The following SIPA1L1 variants were observed in gnomAD, a reference collection of about 807,000 sequenced individuals.
The protein encoded by SIPA1L1 is signal induced proliferation associated 1 like 1, also known as signal-induced proliferation-associated 1-like protein 1.
A neutral mutation model predicts 162.7 loss-of-function variants in SIPA1L1; 26 were observed. The ratio of observed to expected loss-of-function variants is 0.16; its 90% confidence interval spans 0.12 to 0.22. The LOEUF is 0.22. Ranked by LOEUF, SIPA1L1 falls within the 10% of genes least tolerant of loss-of-function variation. SIPA1L1 has a pLI of 1.00. For missense variants in SIPA1L1, 1,874 were observed against 2,241.0 expected (o/e 0.84, Z 3.31); for synonymous variants, 829 against 837.4 (o/e 0.99, Z 0.17).
chr14:71,397,680 T>G (rs1238159878), intron 2 of SIPA1L1, among the ~76,000 whole-genome samples: 1 of 152,224 alleles, frequency 6.6e-6, no homozygotes, highest in African/African-American at 2.4e-5. Flanking sequence ...TGCCAATGCC[T>G]CAGTCTCTCT....
chr14:71,483,947 G>A (rs1255636106), intron 2 of SIPA1L1, among the ~76,000 whole-genome samples: 1 of 152,122 alleles, frequency 6.6e-6, no homozygotes, highest in Non-Finnish European at 1.5e-5. Flanking sequence ...TCTGCACTCC[G>A]TAGCACCCTG....
chr14:71,454,047 G>C (rs1434836199), intron 2 of SIPA1L1, among the ~76,000 whole-genome samples: 1 of 127,094 alleles, frequency 7.9e-6, no homozygotes, highest in African/African-American at 3.1e-5. Flanking sequence ...ATCCTAGAAA[G>C]AGAGTTCATA....
intron 2 of SIPA1L1, among the ~76,000 whole-genome samples, chr14:71,450,791 C>G (rs1758038350): frequency 6.6e-6 from 1 of 152,054 alleles, no homozygotes; most frequent in African/African-American, 2.4e-5. Context: ...GGAACCCTTG[C>G]ATACTGTTGG....
intron 3 of SIPA1L1, among the ~76,000 whole-genome samples, chr14:71,516,137 T>G (rs1229011285): frequency 6.6e-6 from 1 of 152,228 alleles, no homozygotes; most frequent in Non-Finnish European, 1.5e-5. Flanking sequence ...TTGGCAATGG[T>G]GACACCAGTG....
At chr14:71,475,535 A>G (rs1032667798) in intron 2 of SIPA1L1, among the ~76,000 whole-genome samples, 1 of 152,228 alleles carries the variant, frequency 6.6e-6, no homozygotes, top group Non-Finnish European at 1.5e-5. Context: ...TTGGCAAATT[A>G]TGTCAGGAGT....
intron 5 of SIPA1L1, among the ~76,000 whole-genome samples, chr14:71,590,649 A>G (rs183548655): frequency 6.6e-6 from 1 of 152,272 alleles, no homozygotes; most frequent in East Asian, 1.9e-4. Context: ...TGGGTCTTGG[A>G]ATCAATATGT....
intron 4 of SIPA1L1, among the ~76,000 whole-genome samples, chr14:71,545,126 C>A (rs1383195199): frequency 6.6e-6 from 1 of 152,156 alleles, no homozygotes; most frequent in African/African-American, 2.4e-5. Flanking sequence ...CCCCAAAATG[C>A]TAGGATTATA....
intron 12 of SIPA1L1, among the ~76,000 whole-genome samples, chr14:71,681,696 C>G (rs1217554551): frequency 6.6e-6 from 1 of 152,110 alleles, no homozygotes; most frequent in Non-Finnish European, 1.5e-5. Context: ...TTATAGGGAC[C>G]AAGCCATCCT....
At chr14:71,708,699 A>G (rs555748147) in intron 16 of SIPA1L1, among the ~76,000 whole-genome samples, 3 of 152,210 alleles carry the variant, frequency 2.0e-5, no homozygotes, top group East Asian at 1.9e-4. Flanking sequence ...TTTTTTCCCC[A>G]TTGAATTGCC....
chr14:71,718,400 TTTC>T (rs1270665446), intron 17 of SIPA1L1, among the ~76,000 whole-genome samples: 34 of 152,228 alleles, frequency 2.2e-4, no homozygotes, highest in Non-Finnish European at 2.4e-4. Flanking sequence ...TGCACTGGCA[TTTC>T]ACACCTGGGA....
At chr14:71,500,070 T>G (rs936948614) in intron 2 of SIPA1L1, among the ~76,000 whole-genome samples, 2 of 152,176 alleles carry the variant, frequency 1.3e-5, no homozygotes, top group Admixed American at 6.6e-5. Context: ...AAACATTCCT[T>G]TTTTTGACAT....
chr14:71,647,019 T>C (rs536680647), intron 7 of SIPA1L1, among the ~76,000 whole-genome samples: 1 of 152,294 alleles, frequency 6.6e-6, no homozygotes, highest in South Asian at 2.1e-4. Flanking sequence ...ACTTAACTTC[T>C]GCTTGTCAAC....
chr14:71,611,561 C>A (rs2038218667), intron 5 of SIPA1L1, among the ~76,000 whole-genome samples: 2 of 146,304 alleles, frequency 1.4e-5, no homozygotes. Flanking sequence ...CCCCTTGACC[C>A]CCACCCCCTG....
intron 20 of SIPA1L1, 137 bp downstream of exon 20, chr14:71,730,438 C>T (rs957398127): frequency 2.8e-5 from 27 of 975,732 alleles, no homozygotes; most frequent in Non-Finnish European, 4.1e-5. Context: ...GCCCCTTCCT[C>T]ATTTGCCCTC....
chr14:71,477,383 C>CA (rs983367306), intron 2 of SIPA1L1, among the ~76,000 whole-genome samples: 2 of 151,720 alleles, frequency 1.3e-5, no homozygotes, highest in African/African-American at 2.4e-5. Context: ...CAAAACAAAA[C>CA]AAAAAAAACA....
At chr14:71,333,155 G>T (rs938547022) in intron 2 of SIPA1L1, among the ~76,000 whole-genome samples, 1 of 152,170 alleles carries the variant, frequency 6.6e-6, no homozygotes, top group Non-Finnish European at 1.5e-5. Context: ...CTTAATGCCT[G>T]TTTCAGATGA....
At chr14:71,595,456 T>C (rs1345340386) in intron 5 of SIPA1L1, among the ~76,000 whole-genome samples, 1 of 152,230 alleles carries the variant, frequency 6.6e-6, no homozygotes, top group Non-Finnish European at 1.5e-5. Context: ...GAACCAAATT[T>C]GATGCTCAAC....
rs59275638 is a variant in SIPA1L1 at position 71,491,761 on chromosome 14, AACACACACACACACACACACACAC to A, written c.-464-20953_-464-20930del. 5.1e-5 allele frequency among the ~76,000 whole-genome samples: 5 copies of A among 97,956 alleles called. 1 individual carries two copies. Among genetic ancestry groups the A allele is most frequent in the South Asian group, 9.7e-4 (2 of 2,056 alleles). The allele number at this position is 97,956 out of a possible 152,430, so 64.3% of individuals were successfully genotyped here. ...GTTTCAGGCTTAATGTTTTATTTCAAACACACACACACACACACACACACACACACACACACACACACACACACA... is the reference window on the plus strand; with the variant it reads ...GTTTCAGGCTTAATGTTTTATTTCAAACACACACACACACACACACACACA... On this transcript the variant is annotated intron_variant, in intron 2 of 23. Transcript: ENST00000381232.
At chr14:71,441,070 GTTGT>G (rs2044814865) in intron 2 of SIPA1L1, among the ~76,000 whole-genome samples, 1 of 152,174 alleles carries the variant, frequency 6.6e-6, no homozygotes. Flanking sequence ...ATTAAATCTA[GTTGT>G]TTGTTTAATG....
Sources: gnomAD v4.1 joint callset for allele counts (sites outside exome capture counted in the v4.1 genomes callset) on GRCh38, gnomAD v4.1.1 for gene constraint, MANE v1.5 for transcripts, NCBI Gene and HGNC (gene_info 2026-07-23, HGNC 2026-07-21) for gene names.